FGD4: variants seen among roughly 807,000 people sequenced by gnomAD.
FGD4 encodes FYVE, RhoGEF and PH domain-containing protein 4.
Under a neutral mutation model 102.0 loss-of-function variants are expected in FGD4, and 42 were observed. That is an observed-to-expected ratio of 0.41 (90% confidence interval 0.32 to 0.53). FGD4 has a LOEUF of 0.53. Among genes scored for constraint, FGD4 ranks in the 20% least tolerant of loss-of-function variants. The pLI is 0.21. For synonymous variants in FGD4, 380 were observed against 375.7 expected, an observed-to-expected ratio of 1.01 and a Z score of -0.13; for missense variants, 902 against 1,078.2, an observed-to-expected ratio of 0.84 and a Z score of 2.29.
At chr12:32,405,537 G>A (rs1262320421) in intron 1 of FGD4, among the ~76,000 whole-genome samples, 1 of 152,174 alleles carries the variant, frequency 6.6e-6, no homozygotes, top group African/African-American at 2.4e-5. Context: ...GGGATTACAG[G>A]CGTGAGCCAC....
intron 1 of FGD4, among the ~76,000 whole-genome samples, chr12:32,487,162 G>A (rs1232890366): frequency 1.3e-5 from 2 of 151,990 alleles, no homozygotes; most frequent in Non-Finnish European, 2.9e-5. Flanking sequence ...ATAAATAATC[G>A]TGAGAAGAAC....
At chr12:32,555,472 C>T (rs1045326699) in intron 1 of FGD4, among the ~76,000 whole-genome samples, 6 of 151,112 alleles carry the variant, frequency 4.0e-5, no homozygotes, top group Non-Finnish European at 4.4e-5. Context: ...AGGATAATCT[C>T]AACATGTGGA....
At chr12:32,573,545 A>G (rs1424891939) in intron 2 of FGD4, among the ~76,000 whole-genome samples, 1 of 152,222 alleles carries the variant, frequency 6.6e-6, no homozygotes, top group African/African-American at 2.4e-5. Flanking sequence ...GAGGCAAAGT[A>G]TCTGTTACTT....
chr12:32,526,387 A>G (rs1048297100), intron 1 of FGD4, among the ~76,000 whole-genome samples: 4 of 152,238 alleles, frequency 2.6e-5, no homozygotes, highest in East Asian at 1.9e-4. Flanking sequence ...AGGTTTGTGA[A>G]TGCACCAATC....
intron 1 of FGD4, among the ~76,000 whole-genome samples, chr12:32,533,778 A>G (rs1942008183): frequency 6.6e-6 from 1 of 152,256 alleles, no homozygotes; most frequent in African/African-American, 2.4e-5. Flanking sequence ...TAATGTACTT[A>G]TAAAGACAGA....
intron 1 of FGD4, among the ~76,000 whole-genome samples, chr12:32,520,440 GTT>G (rs1167066001): frequency 7.5e-6 from 1 of 134,100 alleles, no homozygotes. Context: ...TTTGTTTTTT[GTT>G]TTTTTTTTTT....
chr12:32,540,675 C>T (rs1418401053), intron 1 of FGD4, among the ~76,000 whole-genome samples: 1 of 151,794 alleles, frequency 6.6e-6, no homozygotes, highest in African/African-American at 2.4e-5. Flanking sequence ...AAGCAATTCT[C>T]CTGCCTCAGC....
chr12:32,451,465 A>C (rs537670589), intron 1 of FGD4, among the ~76,000 whole-genome samples: 2 of 152,316 alleles, frequency 1.3e-5, no homozygotes, highest in African/African-American at 4.8e-5. Flanking sequence ...CAGAGTGCCC[A>C]ATAGAACTAG....
intron 14 of FGD4, among the ~76,000 whole-genome samples, chr12:32,632,722 T>TATTTA (rs1950565422): frequency 6.6e-6 from 1 of 150,770 alleles, no homozygotes; most frequent in South Asian, 2.1e-4. Flanking sequence ...TATTTTTTTT[T>TATTTA]TTTGAGACAG....
At chr12:32,630,106 A>T (rs1950413850) in intron 14 of FGD4, among the ~76,000 whole-genome samples, 1 of 152,048 alleles carries the variant, frequency 6.6e-6, no homozygotes, top group African/African-American at 2.4e-5. Flanking sequence ...TGCTCTATTC[A>T]TTCACCATTA....
At position 32,634,548 on chromosome 12, in the gene FGD4, A is replaced by G. The variant is rs1429272427; in HGVS notation, c.2313+859A>G. Among the ~76,000 whole-genome samples, 29 of 152,140 alleles carry G rather than the reference A, an allele frequency of 1.9e-4. 1 individual carries two copies. The highest frequency in any genetic ancestry group is 1.9e-3 in the Admixed American group (29 of 15,282). ...GCAGCTTATCTGAAATGAGTTTTAC[A>G]TCTAGAGATATTAACAATATAAGGG... On this transcript the variant is annotated intron_variant, in intron 15 of 16. Transcript: ENST00000534526.
chr12:32,487,971 A>G (rs549058406), intron 1 of FGD4, among the ~76,000 whole-genome samples: 1 of 152,336 alleles, frequency 6.6e-6, no homozygotes, highest in Admixed American at 6.5e-5. Flanking sequence ...AAACTAATAG[A>G]GGACTTCAAC....
At chr12:32,532,961 T>A (rs1353946397) in intron 1 of FGD4, among the ~76,000 whole-genome samples, 1 of 152,226 alleles carries the variant, frequency 6.6e-6, no homozygotes, top group Non-Finnish European at 1.5e-5. Context: ...ACAACCTTTG[T>A]GTCCTGATGG....
chr12:32,445,259 G>C (rs1369730100), intron 1 of FGD4, among the ~76,000 whole-genome samples: 1 of 152,176 alleles, frequency 6.6e-6, no homozygotes, highest in African/African-American at 2.4e-5. Flanking sequence ...GAAATCCTTT[G>C]AAAGGAATAC....
intron 1 of FGD4, among the ~76,000 whole-genome samples, chr12:32,541,978 C>G (rs532906505): frequency 4.0e-5 from 6 of 151,868 alleles, no homozygotes; most frequent in South Asian, 2.1e-4. Context: ...AAAAAATGTA[C>G]TTCCCAGATA....
In FGD4 at chr12:32,486,198, G is replaced by T. The variant is rs575651202; in HGVS notation, c.167-77939G>T. ...GAAATATCTCAGGTTAAAACATTTG[G>T]ATTTTTTCACTATGCAAAGTATACA... On this transcript the variant is annotated intron_variant, in intron 1 of 16. Coordinates refer to ENST00000534526, the MANE Select transcript of FGD4 (RefSeq NM_001370298.3). 9.0e-5 allele frequency: 135 copies of T among 1,499,930 alleles called. No individual in the cohort carries two copies. The African/African-American group carries it at 1.8e-3, about 20-fold the overall frequency. 92.9% of individuals were successfully genotyped at this position (1,499,930 alleles called of 1,614,324 possible).
rs113194259 is a variant in FGD4, at chr12:32,536,929, CTT to C, written c.167-27197_167-27196del. Among the ~76,000 whole-genome samples, 600 of 144,606 alleles carry C rather than the reference CTT, an allele frequency of 4.1e-3. 4 individuals carry two copies. Among genetic ancestry groups the C allele is most frequent in the African/African-American group, 0.015 (576 of 39,604 alleles). 94.9% of individuals were successfully genotyped at this position (144,606 alleles called of 152,430 possible). ...TTTCTTTTTTTTCTCTCTCTCTTTTCTTTTTTTTTTTTGAGACAGAGTCTCGC... is the reference window on the plus strand; with the variant it reads ...TTTCTTTTTTTTCTCTCTCTCTTTTCTTTTTTTTTTGAGACAGAGTCTCGC... On this transcript the variant is annotated intron_variant, in intron 1 of 16. Transcript: ENST00000534526.
intron 1 of FGD4, among the ~76,000 whole-genome samples, chr12:32,559,968 T>C (rs543470916): frequency 6.6e-6 from 1 of 152,332 alleles, no homozygotes; most frequent in Non-Finnish European, 1.5e-5. Context: ...ATTAGTTTCT[T>C]CCTCTAGTTT....
intron 1 of FGD4, among the ~76,000 whole-genome samples, chr12:32,442,439 G>A (rs1282755232): frequency 1.3e-5 from 2 of 151,920 alleles, no homozygotes; most frequent in Non-Finnish European, 2.9e-5. Context: ...CTGACTTTTG[G>A]TTCTTATGAA....
Sources: gnomAD v4.1 joint callset for allele counts (sites outside exome capture counted in the v4.1 genomes callset) on GRCh38, gnomAD v4.1.1 for gene constraint, MANE v1.5 for transcripts, NCBI Gene and HGNC (gene_info 2026-07-23, HGNC 2026-07-21) for gene names.